TAFA2: variants seen among roughly 807,000 people sequenced by gnomAD.
The protein encoded by TAFA2 is chemokine-like protein TAFA-2.
A neutral mutation model predicts 18.8 loss-of-function variants in TAFA2; 7 were observed. That is an observed-to-expected ratio of 0.37 (90% confidence interval 0.21 to 0.70). The LOEUF (loss-of-function observed/expected upper bound fraction) is 0.70, where lower values mean the gene tolerates loss of function less well. Ranked by LOEUF, TAFA2 falls within the 30% of genes least tolerant of loss-of-function variation. The pLI, the probability that TAFA2 is intolerant of heterozygous loss-of-function variation, is 0.53. For missense variants in TAFA2, 122 were observed against 158.1 expected (o/e 0.77, Z 1.23); for synonymous variants, 60 against 54.2 (o/e 1.11, Z -0.47).
At chr12:61,952,589 A>G (rs1329587436) in intron 1 of TAFA2, among the ~76,000 whole-genome samples, 3 of 152,136 alleles carry the variant, frequency 2.0e-5, no homozygotes, top group African/African-American at 7.2e-5. Context: ...AGACCTTCAG[A>G]ACACAGTACT....
At chr12:62,125,767 C>G (rs1418259949) in intron 1 of TAFA2, among the ~76,000 whole-genome samples, 1 of 152,090 alleles carries the variant, frequency 6.6e-6, no homozygotes, top group African/African-American at 2.4e-5. Context: ...AATTCCATCT[C>G]CACCACTGAC....
intron 1 of TAFA2, among the ~76,000 whole-genome samples, chr12:61,950,334 C>A (rs988923206): frequency 1.3e-5 from 2 of 152,098 alleles, no homozygotes; most frequent in African/African-American, 4.8e-5. Context: ...TTTGGAGGAA[C>A]CTCCATACTA....
intron 1 of TAFA2, among the ~76,000 whole-genome samples, chr12:62,012,452 C>A (rs901949988): frequency 1.3e-5 from 2 of 151,060 alleles, no homozygotes; most frequent in African/African-American, 4.9e-5. Context: ...TTTTAACCTC[C>A]GCAGATGCTT....
chr12:61,962,376 TAACTAAATAACC>T (rs1223204281), intron 1 of TAFA2, among the ~76,000 whole-genome samples: 2 of 151,984 alleles, frequency 1.3e-5, no homozygotes, highest in African/African-American at 4.8e-5. Flanking sequence ...CAAATGCATG[TAACTAAATAACC>T]AACCTTATAA....
chr12:61,947,246 G>A (rs1244218096), intron 1 of TAFA2, among the ~76,000 whole-genome samples: 1 of 145,804 alleles, frequency 6.9e-6, no homozygotes, highest in Non-Finnish European at 1.5e-5. Context: ...TCATAGGTGG[G>A]AATTGAACAA....
chr12:62,044,422 A>C (rs1353351596), intron 1 of TAFA2, among the ~76,000 whole-genome samples: 2 of 152,140 alleles, frequency 1.3e-5, no homozygotes, highest in African/African-American at 4.8e-5. Context: ...GGCTATCAAA[A>C]GGGAGCAAAG....
intron 1 of TAFA2, among the ~76,000 whole-genome samples, chr12:62,200,739 CT>C (rs1565777861): frequency 6.6e-6 from 1 of 152,066 alleles, no homozygotes; most frequent in Non-Finnish European, 1.5e-5. Flanking sequence ...TATATGGGCT[CT>C]TTTTTGGATC....
At chr12:61,952,530 A>T (rs1878505221) in intron 1 of TAFA2, among the ~76,000 whole-genome samples, 1 of 152,112 alleles carries the variant, frequency 6.6e-6, no homozygotes. Flanking sequence ...GCTCAGATCA[A>T]CGCGATAAAC....
At chr12:61,816,076 T>A (rs1872072454) in intron 2 of TAFA2, among the ~76,000 whole-genome samples, 1 of 151,336 alleles carries the variant, frequency 6.6e-6, no homozygotes, top group Non-Finnish European at 1.5e-5. Flanking sequence ...GATACATAGG[T>A]AAACTCATGT....
At chr12:62,201,713 T>C (rs967437062) in intron 1 of TAFA2, among the ~76,000 whole-genome samples, 1 of 152,186 alleles carries the variant, frequency 6.6e-6, no homozygotes, top group South Asian at 2.1e-4. Context: ...GCTGTTGCTG[T>C]ATTGCTGCAA....
At chr12:61,888,502 G>C (rs1419598152) in intron 1 of TAFA2, among the ~76,000 whole-genome samples, 1 of 152,148 alleles carries the variant, frequency 6.6e-6, no homozygotes, top group African/African-American at 2.4e-5. Context: ...AGCAATCACA[G>C]CCACATTCTC....
intron 2 of TAFA2, among the ~76,000 whole-genome samples, chr12:61,757,974 C>A (rs10877738): frequency 2.0e-5 from 3 of 151,772 alleles, no homozygotes; most frequent in Admixed American, 1.3e-4. Flanking sequence ...CTGAGTTTTT[C>A]TCATGTCTAA....
Position 61,817,571 on chromosome 12 carries a change from C to G in TAFA2, c.106+49749G>C, listed in dbSNP as rs7956529. 6.4e-3 allele frequency among the ~76,000 whole-genome samples: 977 copies of G among 152,062 alleles called. 7 individuals carry two copies. Among genetic ancestry groups the G allele is most frequent in the Admixed American group, 0.012 (188 of 15,280 alleles). On this transcript the variant is annotated intron_variant, in intron 2 of 4. Transcript: ENST00000416284. ...AGAGAGCTTTTTATTTTTTCAACTC[C>G]AAAGGTTATCTTAAAGTTAGTGTTT...
intron 1 of TAFA2, among the ~76,000 whole-genome samples, chr12:62,035,255 G>A (rs1881567730): frequency 6.6e-6 from 1 of 152,196 alleles, no homozygotes; most frequent in East Asian, 1.9e-4. Flanking sequence ...GCTGGCCACT[G>A]AGGGAACCAC....
At chr12:61,873,842 G>T (rs1449516548) in intron 1 of TAFA2, among the ~76,000 whole-genome samples, 1 of 152,028 alleles carries the variant, frequency 6.6e-6, no homozygotes, top group African/African-American at 2.4e-5. Flanking sequence ...TCTTTGAGGT[G>T]GATGGTGCCA....
chr12:61,958,656 C>T (rs1334934776), intron 1 of TAFA2, among the ~76,000 whole-genome samples: 2 of 151,846 alleles, frequency 1.3e-5, no homozygotes, highest in African/African-American at 4.8e-5. Context: ...CTATTTTTCT[C>T]TTTGTCTGTG....
At chr12:62,079,336 T>C (rs1291652940) in intron 1 of TAFA2, among the ~76,000 whole-genome samples, 1 of 152,032 alleles carries the variant, frequency 6.6e-6, no homozygotes, top group East Asian at 1.9e-4. Context: ...TCTGGGACTG[T>C]AGACAACACT....
At chr12:62,231,229 T>G (rs2136983997) in intron 1 of TAFA2, among the ~76,000 whole-genome samples, 1 of 152,360 alleles carries the variant, frequency 6.6e-6, no homozygotes, top group East Asian at 1.9e-4. Flanking sequence ...TATTTATATG[T>G]TTGCTTTATA....
At chr12:61,899,917 T>C (rs760649040) in intron 1 of TAFA2, among the ~76,000 whole-genome samples, 5 of 152,206 alleles carry the variant, frequency 3.3e-5, no homozygotes, top group Admixed American at 6.5e-5. Flanking sequence ...TATAGGCAAA[T>C]ACTACAGCCA....
Sources: gnomAD v4.1 joint callset for allele counts (sites outside exome capture counted in the v4.1 genomes callset) on GRCh38, gnomAD v4.1.1 for gene constraint, MANE v1.5 for transcripts, NCBI Gene and HGNC (gene_info 2026-07-23, HGNC 2026-07-21) for gene names.